CBFA2T2: variants seen among roughly 807,000 people sequenced by gnomAD.
The protein encoded by CBFA2T2 is protein CBFA2T2.
A neutral mutation model predicts 62.2 loss-of-function variants in CBFA2T2; 11 were observed. The observed-to-expected ratio is 0.18, with a 90% confidence interval of 0.11 to 0.29. The LOEUF is 0.29. Among genes scored for constraint, CBFA2T2 ranks in the 10% least tolerant of loss-of-function variants. CBFA2T2 has a pLI of 1.00. For synonymous variants in CBFA2T2, 295 were observed against 287.5 expected (o/e 1.03, Z -0.27); for missense variants, 592 against 774.1 (o/e 0.76, Z 2.79).
intron 1 of CBFA2T2, among the ~76,000 whole-genome samples, chr20:33,595,545 A>G (rs557225778): frequency 7.1e-6 from 1 of 140,566 alleles, no homozygotes; most frequent in Admixed American, 7.3e-5. Context: ...TTTAATTTTC[A>G]TTTTTTTTTT....
At chr20:33,572,947 G>A (rs1414382983) in intron 1 of CBFA2T2, among the ~76,000 whole-genome samples, 2 of 152,214 alleles carry the variant, frequency 1.3e-5, no homozygotes, top group Admixed American at 1.3e-4. Context: ...CCAGCTTTAT[G>A]GCAGTGAATA....
intron 8 of CBFA2T2, among the ~76,000 whole-genome samples, chr20:33,633,778 A>G (rs1169869345): frequency 6.6e-6 from 1 of 152,186 alleles, no homozygotes; most frequent in Non-Finnish European, 1.5e-5. Context: ...CAGTCTGGCT[A>G]GCATTATTTA....
intron 1 of CBFA2T2, among the ~76,000 whole-genome samples, chr20:33,591,257 G>T (rs1291797827): frequency 1.3e-5 from 2 of 151,038 alleles, no homozygotes; most frequent in Admixed American, 6.6e-5. Flanking sequence ...CCCAAGACAG[G>T]TGGATCACTT....
intron 1 of CBFA2T2, chr20:33,573,989 A>G (rs1238673283): frequency 3.4e-6 from 2 of 593,550 alleles, no homozygotes; most frequent in Non-Finnish European, 5.1e-6. Flanking sequence ...GGGTTTTGCC[A>G]TGTTGCCCAG....
chr20:33,513,032 G>A (rs747878936), intron 1 of CBFA2T2, among the ~76,000 whole-genome samples: 3 of 152,194 alleles, frequency 2.0e-5, no homozygotes, highest in Admixed American at 6.5e-5. Context: ...GATTACAGGC[G>A]TGAGCCACCG....
chr20:33,509,458 T>G (rs1342737998), intron 1 of CBFA2T2, among the ~76,000 whole-genome samples: 6 of 152,162 alleles, frequency 3.9e-5, no homozygotes, highest in Non-Finnish European at 7.3e-5. Flanking sequence ...AAACTTATCC[T>G]AAATAATGAT....
chr20:33,640,432 A>C lies in CBFA2T2; in HGVS notation c.1389A>C (p.Ala463=). The change falls in exon 10 of 11, where the codon GCA becomes GCC. Residue 463 remains alanine (A), a synonymous_variant. Transcript: ENST00000342704. Reference sequence around the variant, plus strand: ...AGCAGAAAGCCTTTGAAGTGATTGCAACAGAGAGAGCACGAATGGAGCAAA... The same window carrying C: ...AGCAGAAAGCCTTTGAAGTGATTGCCACAGAGAGAGCACGAATGGAGCAAA... The part of the protein sequence containing the change: ...EAEQKAFEVI[A]TERARMEQTI... 6.2e-7 allele frequency: 1 copy of C among 1,614,274 alleles called. No homozygotes were observed. Among genetic ancestry groups the C allele is most frequent in the Non-Finnish European group, 8.5e-7 (1 of 1,180,046 alleles).
intron 9 of CBFA2T2, among the ~76,000 whole-genome samples, chr20:33,638,189 G>A (rs1197972389): frequency 6.6e-6 from 1 of 151,626 alleles, no homozygotes; most frequent in Non-Finnish European, 1.5e-5. Flanking sequence ...TGGCCAGGCT[G>A]GTTTCGAACT....
chr20:33,632,837 G>A (rs1245272555), intron 8 of CBFA2T2, among the ~76,000 whole-genome samples: 1 of 152,048 alleles, frequency 6.6e-6, no homozygotes, highest in African/African-American at 2.4e-5. Context: ...GCACGATCTT[G>A]CCTCACTGCT....
intron 3 of CBFA2T2, among the ~76,000 whole-genome samples, chr20:33,617,024 C>A (rs1383850964): frequency 6.6e-6 from 1 of 152,120 alleles, no homozygotes; most frequent in Non-Finnish European, 1.5e-5. Context: ...GAGCTTAAGA[C>A]CAGCCTGGGG....
At chr20:33,629,366 T>G (rs1449549749) in intron 7 of CBFA2T2, among the ~76,000 whole-genome samples, 1 of 152,240 alleles carries the variant, frequency 6.6e-6, no homozygotes, top group East Asian at 1.9e-4. Flanking sequence ...GTGTGCCTTA[T>G]TTTATGGTTC....
chr20:33,490,364 G>A, intron 1 of CBFA2T2, 63 bp downstream of exon 1: 1 of 1,236,348 alleles, frequency 8.1e-7, no homozygotes, highest in Non-Finnish European at 1.0e-6. Context: ...CTCCGCAGGC[G>A]CGGTGATTCC....
At chr20:33,520,899 C>T (rs2011710134) in intron 1 of CBFA2T2, among the ~76,000 whole-genome samples, 1 of 151,390 alleles carries the variant, frequency 6.6e-6, no homozygotes, top group Non-Finnish European at 1.5e-5. Context: ...ACTGTTTTTA[C>T]ACACGCACGC....
At chr20:33,507,215 C>T (rs747560376) in intron 1 of CBFA2T2, among the ~76,000 whole-genome samples, 31 of 152,180 alleles carry the variant, frequency 2.0e-4, no homozygotes, top group African/African-American at 6.0e-4. Flanking sequence ...CTTTGACAAA[C>T]GTTTATTGAA....
chr20:33,530,526 T>C (rs2012028148), intron 1 of CBFA2T2, among the ~76,000 whole-genome samples: 2 of 152,128 alleles, frequency 1.3e-5, no homozygotes, highest in Non-Finnish European at 2.9e-5. Context: ...CATGCAATTC[T>C]CCTGCTTCAG....
intron 3 of CBFA2T2, among the ~76,000 whole-genome samples, chr20:33,618,269 A>C (rs961990893): frequency 6.6e-6 from 1 of 152,114 alleles, no homozygotes; most frequent in Non-Finnish European, 1.5e-5. Flanking sequence ...AAGTTTCTAA[A>C]AGTAAATTCC....
chr20:33,644,544 C>A lies in CBFA2T2; in HGVS notation c.1686C>A (p.Ala562=). 2.5e-6 allele frequency: 4 copies of A among 1,614,018 alleles called. No individual in the cohort carries two copies. The highest frequency in any genetic ancestry group is 2.2e-5 in the South Asian group (2 of 91,072). ...GCAGGGGCTCCTCTGCCAGGTCCGCCGACTGCAGCGTGCCCAGCCCAGCCC... is the reference window on the plus strand; with the variant it reads ...GCAGGGGCTCCTCTGCCAGGTCCGCAGACTGCAGCGTGCCCAGCCCAGCCC... ...PVGRGSSARS[A]DCSVPSPALD... The change falls in exon 11 of 11, where the codon GCC becomes GCA. Residue 562 remains alanine (A), a synonymous_variant. Coordinates refer to ENST00000342704, the MANE Select transcript of CBFA2T2 (RefSeq NM_001032999.3).
intron 1 of CBFA2T2, among the ~76,000 whole-genome samples, chr20:33,583,131 C>CG (rs1452708738): frequency 6.6e-6 from 1 of 152,082 alleles, no homozygotes; most frequent in Non-Finnish European, 1.5e-5. Context: ...ATTTATCTGT[C>CG]ATTATTTCAG....
At position 33,490,217 on chromosome 20, in the gene CBFA2T2, G is replaced by A. The variant is rs1257252485; in HGVS notation, c.-51G>A. Reference sequence around the variant, plus strand: ...GGTCGAGGCGGGCGGCGCCTGCGAGGGACCCGTGTCGCGGGTAGAGGCGGG... The same window carrying A: ...GGTCGAGGCGGGCGGCGCCTGCGAGAGACCCGTGTCGCGGGTAGAGGCGGG... On this transcript the variant is annotated 5_prime_UTR_variant, in exon 1 of 11. Transcript: ENST00000342704. 2.5e-5 allele frequency: 30 copies of A among 1,219,022 alleles called. No individual in the cohort carries two copies. The African/African-American group carries it at 4.6e-4, about 19-fold the overall frequency. The allele number at this position is 1,219,022 out of a possible 1,614,324, so 75.5% of individuals were successfully genotyped here. A position where few individuals can be genotyped will look rare whatever the true frequency, so the allele number is the denominator to read the frequency against.
Sources: gnomAD v4.1 joint callset for allele counts (sites outside exome capture counted in the v4.1 genomes callset) on GRCh38, gnomAD v4.1.1 for gene constraint, MANE v1.5 for transcripts, NCBI Gene and HGNC (gene_info 2026-07-23, HGNC 2026-07-21) for gene names.